ASTN2: variants seen among roughly 807,000 people sequenced by gnomAD.
The protein encoded by ASTN2 is astrotactin-2.
A neutral mutation model predicts 139.8 loss-of-function variants in ASTN2; 54 were observed. The ratio of observed to expected loss-of-function variants is 0.39; its 90% CI spans 0.31 to 0.48. The LOEUF is 0.48. Among genes scored for constraint, ASTN2 ranks in the 20% least tolerant of loss-of-function variants. The pLI is 0.95. For missense variants in ASTN2, 1,565 were observed against 1,725.1 expected (o/e 0.91, Z 1.64); for synonymous variants, 756 against 719.5 (o/e 1.05, Z -0.81).
intron 17 of ASTN2, among the ~76,000 whole-genome samples, chr9:116,643,015 C>A (rs762030594): frequency 2.6e-5 from 4 of 152,154 alleles, no homozygotes; most frequent in South Asian, 2.1e-4. Flanking sequence ...TCTCACCCCA[C>A]AATTCACTAG....
chr9:116,932,168 C>G (rs1834918960), intron 10 of ASTN2, among the ~76,000 whole-genome samples: 1 of 152,134 alleles, frequency 6.6e-6, no homozygotes, highest in African/African-American at 2.4e-5. Flanking sequence ...CAGGTGCTTT[C>G]TGAAGATTAC....
intron 17 of ASTN2, among the ~76,000 whole-genome samples, chr9:116,638,792 G>GA (rs1857192148): frequency 9.4e-6 from 1 of 106,078 alleles, no homozygotes; most frequent in Non-Finnish European, 2.1e-5. Context: ...TTTCTGATTT[G>GA]AAAAAACAAA....
At chr9:116,841,798 C>T (rs1024465541) in intron 11 of ASTN2, among the ~76,000 whole-genome samples, 1 of 152,196 alleles carries the variant, frequency 6.6e-6, no homozygotes, top group Non-Finnish European at 1.5e-5. Context: ...GACAGGTGCT[C>T]ACTAAATGCT....
intron 1 of ASTN2, among the ~76,000 whole-genome samples, chr9:117,408,661 A>G (rs1831076454): frequency 6.6e-6 from 1 of 152,180 alleles, no homozygotes; most frequent in Non-Finnish European, 1.5e-5. Flanking sequence ...GTTCAGGAAA[A>G]TGATCAAGCC....
At chr9:116,554,496 C>T (rs1169708368) in intron 19 of ASTN2, among the ~76,000 whole-genome samples, 1 of 152,172 alleles carries the variant, frequency 6.6e-6, no homozygotes, top group African/African-American at 2.4e-5. Flanking sequence ...TCATTTAATG[C>T]AAAGGAAGCC....
chr9:117,063,143 A>G (rs576329557), intron 5 of ASTN2, among the ~76,000 whole-genome samples: 1 of 152,368 alleles, frequency 6.6e-6, no homozygotes, highest in Non-Finnish European at 1.5e-5. Flanking sequence ...TGTCAGGTAT[A>G]GTTACAGTTA....
intron 19 of ASTN2, among the ~76,000 whole-genome samples, chr9:116,534,419 G>C (rs1346095423): frequency 6.6e-6 from 1 of 152,076 alleles, no homozygotes; most frequent in Non-Finnish European, 1.5e-5. Flanking sequence ...GAATGTGTTT[G>C]CTCTTGCTTC....
At chr9:116,976,294 A>C (rs1836340013) in intron 8 of ASTN2, 106 bp from the exon 9 acceptor site, 3 of 860,574 alleles carry the variant, frequency 3.5e-6, no homozygotes, top group African/African-American at 3.3e-5. Flanking sequence ...CAAACTCTGC[A>C]GAAATAATTA....
At chr9:116,582,984 T>C (rs1854011334) in intron 19 of ASTN2, 1 of 152,244 alleles carries the variant, frequency 6.6e-6, no homozygotes. Flanking sequence ...TGGAATGCAA[T>C]GCTGAGTGGC....
chr9:117,278,833 C>T (rs911510453), intron 2 of ASTN2, among the ~76,000 whole-genome samples: 4 of 152,236 alleles, frequency 2.6e-5, no homozygotes, highest in Non-Finnish European at 5.9e-5. Flanking sequence ...GAACCTACAG[C>T]GTGAGTGGCT....
chr9:116,425,314 C>T lies in ASTN2; in HGVS notation c.*537G>A, dbSNP rs1020915370. ...GGTAGCAGGAAGAGGCAGGGTCCCA[C>T]AAACTCAATAATGTCCAGCAAAAAA... On this transcript the variant is annotated 3_prime_UTR_variant, in exon 23 of 23. Coordinates refer to ENST00000313400, the MANE Select transcript of ASTN2 (RefSeq NM_001365068.1). The T allele has an allele frequency of 2.0e-6, 1 of 494,216 alleles. No individual in the cohort carries two copies. Among genetic ancestry groups the T allele is most frequent in the South Asian group, 2.7e-5 (1 of 37,438 alleles). The allele number at this position is 494,216 out of a possible 1,614,324, so 30.6% of individuals were successfully genotyped here.
chr9:117,214,465 C>T lies in ASTN2; in HGVS notation c.908G>A (p.Arg303Lys). 2 of 1,614,190 alleles carry T rather than the reference C, an allele frequency of 1.2e-6. No homozygotes were observed. The highest frequency in any genetic ancestry group is 1.7e-6 in the Non-Finnish European group (2 of 1,180,028). Reference protein sequence around the residue: ...YDCEEDEEPPRRANHVSREDE... With the variant: ...YDCEEDEEPPKRANHVSREDE... The stretch of plus-strand genomic sequence containing the variant: ...CTCGCGGGAGACATGGTTGGCCCGC[C>T]TAGGTGGCTCCTCATCCTCCTCACA... Residue 303 changes from arginine (R) to lysine (K), a missense_variant, in exon 3 of 23, where the codon AGG (arginine) becomes AAG (lysine). By Grantham distance (26) the Arg-to-Lys change is conservative. Coordinates refer to ENST00000313400, the MANE Select transcript of ASTN2 (RefSeq NM_001365068.1).
At chr9:117,405,454 A>G (rs1830956874) in intron 1 of ASTN2, among the ~76,000 whole-genome samples, 1 of 152,242 alleles carries the variant, frequency 6.6e-6, no homozygotes, top group Admixed American at 6.5e-5. Context: ...CACCTGGGAC[A>G]TAGTACATGT....
At chr9:117,317,003 T>C (rs1226943463) in intron 1 of ASTN2, among the ~76,000 whole-genome samples, 3 of 152,146 alleles carry the variant, frequency 2.0e-5, no homozygotes, top group Admixed American at 2.0e-4. Flanking sequence ...GCTTCTCTTA[T>C]CTTTTTGCCT....
intron 13 of ASTN2, among the ~76,000 whole-genome samples, chr9:116,801,697 G>C (rs961684616): frequency 1.3e-5 from 2 of 152,016 alleles, no homozygotes; most frequent in African/African-American, 4.8e-5. Context: ...TTTCCACAGT[G>C]GGGAGGCAAC....
chr9:116,978,472 C>A (rs929476359), intron 7 of ASTN2, among the ~76,000 whole-genome samples: 13 of 133,728 alleles, frequency 9.7e-5, no homozygotes, highest in African/African-American at 3.6e-4. Context: ...CTGTATGTAT[C>A]TCTCTCTCTC....
intron 13 of ASTN2, among the ~76,000 whole-genome samples, chr9:116,742,616 G>A (rs936480291): frequency 6.6e-6 from 1 of 152,026 alleles, no homozygotes; most frequent in Non-Finnish European, 1.5e-5. Context: ...CAAGCCCCTC[G>A]CTCAACAAGC....
intron 10 of ASTN2, among the ~76,000 whole-genome samples, chr9:116,866,542 C>T (rs1257419204): frequency 6.6e-6 from 1 of 152,092 alleles, no homozygotes; most frequent in African/African-American, 2.4e-5. Flanking sequence ...CCTGGGAAGA[C>T]ATTAAGCCTA....
intron 19 of ASTN2, among the ~76,000 whole-genome samples, chr9:116,556,888 AATAC>A (rs1470256731): frequency 2.0e-5 from 3 of 152,148 alleles, no homozygotes; most frequent in Admixed American, 2.0e-4. Flanking sequence ...ATTTATGTAG[AATAC>A]ATAGATACAG....
Sources: allele counts gnomAD v4.1 joint callset (sites outside exome capture counted in the v4.1 genomes callset), GRCh38; gene constraint gnomAD v4.1.1; transcripts MANE v1.5; gene names NCBI Gene and HGNC (gene_info 2026-07-23, HGNC 2026-07-21).